The following GSE1 variants were observed in gnomAD, a reference collection of about 807,000 sequenced individuals.
GSE1 encodes the protein genetic suppressor element 1.
In GSE1, 32 loss-of-function variants were observed where a neutral mutation model predicts 112.6. The ratio of observed to expected loss-of-function variants is 0.28; its 90% CI spans 0.21 to 0.38. The LOEUF (loss-of-function observed/expected upper bound fraction) is 0.38, where lower values mean the gene tolerates loss of function less well. Ranked by LOEUF, GSE1 falls within the 10% of genes least tolerant of loss-of-function variation. The pLI is 1.00. For synonymous variants in GSE1, 1,115 were observed against 735.6 expected, an observed-to-expected ratio of 1.52 and a Z score of -8.35; for missense variants, 2,348 against 1,699.2, an observed-to-expected ratio of 1.38 and a Z score of -6.71.
At chr16:85,486,099 C>A (rs1182152128) in intron 2 of GSE1, among the ~76,000 whole-genome samples, 1 of 152,182 alleles carries the variant, frequency 6.6e-6, no homozygotes, top group East Asian at 1.9e-4. Flanking sequence ...CAACTGGGGG[C>A]ACCCCATGCC....
At position 85,655,753 on chromosome 16, in the gene GSE1, C is replaced by T. The variant is rs779939131; in HGVS notation, c.825C>T (p.Ala275=). 2.5e-6 allele frequency: 4 copies of T among 1,608,334 alleles called. No homozygotes were observed. In the East Asian group the frequency reaches 6.7e-5, roughly 27 times the overall value. ...TGGACGACTCCTACTGCCTGTCTGC[C>T]CTGAGGTCCCCGTTCTACCCCATCC... is the stretch of plus-strand genomic sequence containing the variant. ...FRMDDSYCLS[A]LRSPFYPIPT... The change falls in exon 6 of 16, where the codon GCC becomes GCT. Residue 275 remains alanine, a synonymous_variant. Coordinates refer to ENST00000253458, the MANE Select transcript of GSE1 (RefSeq NM_014615.5).
chr16:85,171,368 G>A (rs867155899), exon 1 of GSE1: 10 of 985,506 alleles, frequency 1.0e-5, no homozygotes, highest in Non-Finnish European at 9.6e-6. Flanking sequence ...CCCGCCAGCC[G>A]CTTGGGCGAG....
intron 1 of GSE1, among the ~76,000 whole-genome samples, chr16:85,632,562 T>C (rs2049628600): frequency 6.6e-6 from 1 of 152,184 alleles, no homozygotes; most frequent in Non-Finnish European, 1.5e-5. Flanking sequence ...CCTCCGAGCC[T>C]GCTGTCCCAT....
chr16:85,499,295 C>CTTTTTTT (rs568776401), intron 2 of GSE1, among the ~76,000 whole-genome samples: 11 of 77,196 alleles, frequency 1.4e-4, no homozygotes, highest in African/African-American at 4.1e-4. Flanking sequence ...GGAAAGTCAC[C>CTTTTTTT]TTTTTTTTTT....
At position 85,275,507 on chromosome 16, in the gene GSE1, G is replaced by A. The variant is rs1351220165; in HGVS notation, c.2284-81956G>A. 8.5e-5 allele frequency among the ~76,000 whole-genome samples: 13 copies of A among 152,286 alleles called. No homozygotes were observed. The East Asian group carries it at 2.3e-3, about 27-fold the overall frequency. Reference sequence around the variant, plus strand: ...TGCGAGTCTCAGACCTGTCTCACTCGACAAGCCACCGAGTTCAAATGGCAC... The same window carrying A: ...TGCGAGTCTCAGACCTGTCTCACTCAACAAGCCACCGAGTTCAAATGGCAC... On this transcript the variant is annotated intron_variant, in intron 1 of 2. Coordinates refer to the GSE1 transcript ENST00000637419.
chr16:85,455,183 G>C (rs995634306), intron 2 of GSE1, among the ~76,000 whole-genome samples: 2 of 152,210 alleles, frequency 1.3e-5, no homozygotes, highest in East Asian at 3.9e-4. Context: ...TCTCCTCCAA[G>C]GTGACCCAGG....
chr16:85,433,712 T>A (rs1170345097), intron 2 of GSE1, among the ~76,000 whole-genome samples: 4 of 151,654 alleles, frequency 2.6e-5, no homozygotes. Flanking sequence ...CCAGTGGATG[T>A]TGGATAGATG....
At position 85,598,907 on chromosome 16, in the gene GSE1, T is replaced by C. The variant is rs116701054; in HGVS notation, c.37+42544T>C. On this transcript the variant is annotated intron_variant, in intron 1 of 2. Coordinates refer to the GSE1 transcript ENST00000635906. ...GATCAATGACAAAGCCCACAGGCGG[T>C]GATTGGAGCATCGGGGCAGTGGTTG... is the stretch of plus-strand genomic sequence containing the variant. 6.7e-3 allele frequency among the ~76,000 whole-genome samples: 1,022 copies of C among 152,264 alleles called. 10 individuals carry two copies. Among genetic ancestry groups the C allele is most frequent in the African/African-American group, 0.023 (963 of 41,538 alleles).
In GSE1 at chr16:85,674,931, C is replaced by G. The variant is rs779851814; in HGVS notation, c.*2392C>G. ...CTCTACTCTTGCTCAAGAAGTAATACGACAATCAGAATACAAACCAGTAAG... is the reference window on the plus strand; with the variant it reads ...CTCTACTCTTGCTCAAGAAGTAATAGGACAATCAGAATACAAACCAGTAAG... On this transcript the variant is annotated 3_prime_UTR_variant, in exon 16 of 16. Transcript: ENST00000253458. 6.6e-5 allele frequency: 10 copies of G among 152,552 alleles called. No homozygotes were observed. Among genetic ancestry groups the G allele is most frequent in the Admixed American group, 5.2e-4 (8 of 15,268 alleles). 9.4% of individuals were successfully genotyped at this position (152,552 alleles called of 1,614,324 possible).
At chr16:85,362,274 T>TC (rs1447458825) in intron 2 of GSE1, among the ~76,000 whole-genome samples, 2 of 152,246 alleles carry the variant, frequency 1.3e-5, no homozygotes, top group African/African-American at 4.8e-5. Context: ...CGGCCTTTAG[T>TC]CAAATGAAGA....
At chr16:85,361,629 C>T (rs552856009) in intron 2 of GSE1, among the ~76,000 whole-genome samples, 18 of 152,196 alleles carry the variant, frequency 1.2e-4, no homozygotes, top group Admixed American at 2.0e-4. Context: ...CGCCCAGGGC[C>T]GTCCGTTTCT....
intron 1 of GSE1, among the ~76,000 whole-genome samples, chr16:85,623,214 C>G (rs2048849525): frequency 6.6e-6 from 1 of 150,524 alleles, no homozygotes; most frequent in Non-Finnish European, 1.5e-5. Context: ...CTTGTCCACT[C>G]CTTTTTTTTT....
chr16:85,651,513 C>T (rs918549601), intron 3 of GSE1, among the ~76,000 whole-genome samples: 3 of 152,154 alleles, frequency 2.0e-5, no homozygotes, highest in Non-Finnish European at 2.9e-5. Context: ...GTTCAAGGGC[C>T]GTGTCTGGGC....
At chr16:85,648,785 C>CT (rs1345339717) in intron 3 of GSE1, 34 bp downstream of exon 3, 3 of 1,319,460 alleles carry the variant, frequency 2.3e-6, no homozygotes, top group East Asian at 2.6e-5. Flanking sequence ...CTAGCGTCCT[C>CT]TAAGTGGGGA....
rs180877196 is a variant in GSE1, at chr16:85,367,098, A to T, written c.2464+9455A>T. 7.6e-4 allele frequency among the ~76,000 whole-genome samples: 116 copies of T among 152,292 alleles called. 1 individual carries two copies. Among genetic ancestry groups the T allele is most frequent in the African/African-American group, 2.6e-3 (106 of 41,556 alleles). On this transcript the variant is annotated intron_variant, in intron 2 of 2. Coordinates refer to the GSE1 transcript ENST00000637419. ...TCACCCACTGTTCTTCATTCCCCTG[A>T]CCGGTCCAAGCTGATAAACTGTCAC...
chr16:85,360,121 G>C (rs1320907017), intron 2 of GSE1, among the ~76,000 whole-genome samples: 1 of 152,004 alleles, frequency 6.6e-6, no homozygotes, highest in Non-Finnish European at 1.5e-5. Flanking sequence ...GCCCTTTTTG[G>C]AGACCTTTGG....
rs1010063833 is a variant in GSE1, at chr16:85,523,627, G to C, written c.2465-110287G>C. On this transcript the variant is annotated intron_variant, in intron 2 of 2. Transcript: ENST00000637419. The stretch of plus-strand genomic sequence containing the variant: ...GGGGGCTGGAGCTGATGCAGTTCCA[G>C]GGGGCTGAGGGACAGAGGGGGTCCC... Among the ~76,000 whole-genome samples, 4 of 152,226 alleles carry C rather than the reference G, an allele frequency of 2.6e-5. No homozygotes were observed. The East Asian group carries it at 7.7e-4, about 29-fold the overall frequency.
chr16:85,664,854 T>A, intron 11 of GSE1, 161 bp from the exon 12 acceptor site: 1 of 606,284 alleles, frequency 1.6e-6, no homozygotes. Flanking sequence ...CGCTTTGAGA[T>A]GGTTGCTTCC....
At chr16:85,524,645 G>A (rs1273371277) in intron 2 of GSE1, among the ~76,000 whole-genome samples, 1 of 152,160 alleles carries the variant, frequency 6.6e-6, no homozygotes, top group African/African-American at 2.4e-5. Context: ...AGCCAGGTGT[G>A]TGTACACTGT....
Sources: allele counts gnomAD v4.1 joint callset (sites outside exome capture counted in the v4.1 genomes callset), GRCh38; gene constraint gnomAD v4.1.1; transcripts MANE v1.5; gene names NCBI Gene and HGNC (gene_info 2026-07-23, HGNC 2026-07-21).